The following DPEP1 variants were observed in gnomAD, a reference collection of about 807,000 sequenced individuals.
DPEP1 encodes beta-lactamase.
DPEP1 carries 50 observed loss-of-function variants against 42.3 expected under a neutral mutation model. The observed-to-expected ratio is 1.18, with a 90% confidence interval of 0.94 to 1.50. The LOEUF is 1.50. Ranked by LOEUF, DPEP1 falls within the 40% of genes most tolerant of loss-of-function variation. DPEP1 has a pLI of 0.00. For synonymous variants in DPEP1, 297 were observed against 234.0 expected (o/e 1.27, Z -2.46); for missense variants, 663 against 553.0 (o/e 1.20, Z -1.99).
chr16:89,614,430 C>G (rs1005730960), intron 1 of DPEP1, among the ~76,000 whole-genome samples: 3 of 152,212 alleles, frequency 2.0e-5, no homozygotes, highest in Non-Finnish European at 4.4e-5. Flanking sequence ...TGCCTTCCCG[C>G]CCAGCTAAGA....
chr16:89,630,122 C>G (rs981769403), intron 1 of DPEP1, among the ~76,000 whole-genome samples, 183 bp from the exon 2 acceptor site: 1 of 152,196 alleles, frequency 6.6e-6, no homozygotes, highest in African/African-American at 2.4e-5. Flanking sequence ...TCTGGGATCC[C>G]AGCTTCTTAC....
At chr16:89,614,566 GGGCA>G (rs1424486356) in intron 1 of DPEP1, among the ~76,000 whole-genome samples, 1 of 152,234 alleles carries the variant, frequency 6.6e-6, no homozygotes, top group East Asian at 1.9e-4. Context: ...AGGCCGAGGT[GGGCA>G]GATCATGAGG....
chr16:89,630,598 G>GAGACTCGT, intron 2 of DPEP1, 84 bp downstream of exon 2: 1 of 171,420 alleles, frequency 5.8e-6, no homozygotes, highest in Non-Finnish European at 1.3e-5. Flanking sequence ...AGCCGGGGCT[G>GAGACTCGT]GGGGAGCGGG....
At chr16:89,620,988 G>A (rs942367723) in intron 1 of DPEP1, among the ~76,000 whole-genome samples, 3 of 152,182 alleles carry the variant, frequency 2.0e-5, no homozygotes, top group Non-Finnish European at 4.4e-5. Context: ...GAGAGTCTCA[G>A]AGGATGGAAC....
chr16:89,614,900 G>A (rs1217402977), intron 1 of DPEP1, among the ~76,000 whole-genome samples: 1 of 152,220 alleles, frequency 6.6e-6, no homozygotes, highest in Non-Finnish European at 1.5e-5. Context: ...GGAAGTTGGA[G>A]TCTGGAGCTG....
chr16:89,638,001 C>T (rs1567994321), intron 10 of DPEP1, 30 bp downstream of exon 10: 1 of 1,608,170 alleles, frequency 6.2e-7, no homozygotes, highest in Admixed American at 1.7e-5. Context: ...CTGAGTCTCC[C>T]CCACCACCAC....
Position 89,636,666 on chromosome 16 carries a change from C to G in DPEP1, c.504C>G (p.His168Gln), listed in dbSNP as rs759576829. The G allele has an allele frequency of 6.2e-7, 1 of 1,612,488 alleles. No homozygotes were observed. Among genetic ancestry groups the G allele is most frequent in the East Asian group, 2.2e-5 (1 of 44,864 alleles). Residue 168 changes from histidine (H) to glutamine (Q), a missense_variant, in exon 5 of 11, where the codon CAC becomes CAG. Coordinates refer to ENST00000690203, the MANE Select transcript of DPEP1 (RefSeq NM_001389466.1). ...QLGMRYLTLT[H>Q]SCNTPWADNW... ...GCATGCGGTACCTGACCCTCACCCA[C>G]AGCTGCAACACGCCCTGGTGCGTGA... is the stretch of plus-strand genomic sequence containing the variant.
At chr16:89,629,851 C>A (rs1056298554) in intron 1 of DPEP1, among the ~76,000 whole-genome samples, 3 of 152,224 alleles carry the variant, frequency 2.0e-5, no homozygotes, top group Admixed American at 2.0e-4. Context: ...GCACACCTGG[C>A]TGTGCAGCAG....
intron 1 of DPEP1, among the ~76,000 whole-genome samples, chr16:89,626,293 T>G (rs1382894079): frequency 2.0e-5 from 3 of 152,174 alleles, no homozygotes; most frequent in Non-Finnish European, 4.4e-5. Flanking sequence ...ATTCACCCCA[T>G]GTTCTCGTGG....
At chr16:89,622,413 G>A (rs544216939) in intron 1 of DPEP1, among the ~76,000 whole-genome samples, 1 of 152,260 alleles carries the variant, frequency 6.6e-6, no homozygotes, top group Non-Finnish European at 1.5e-5. Flanking sequence ...TGCACCCTCT[G>A]GGTCAAGATG....
intron 1 of DPEP1, among the ~76,000 whole-genome samples, chr16:89,625,194 G>C (rs2059492732): frequency 6.6e-6 from 1 of 152,066 alleles, no homozygotes; most frequent in Non-Finnish European, 1.5e-5. Flanking sequence ...TAGGAAGTCA[G>C]CACAAATTAG....
At position 89,636,851 on chromosome 16, in the gene DPEP1, C is replaced by T; in HGVS notation, c.522-15C>T. On this transcript the variant is annotated splice_polypyrimidine_tract_variant and intron_variant, in intron 5 of 10. Coordinates refer to ENST00000690203, the MANE Select transcript of DPEP1 (RefSeq NM_001389466.1). ...CACCGCTCACCTCTTGGGCACCTGC[C>T]TTTTGCTTCTCCAGGGCTGACAACT... is the stretch of plus-strand genomic sequence containing the variant. The T allele has an allele frequency of 8.7e-6, 14 of 1,612,376 alleles. No individual in the cohort carries two copies. The highest frequency in any genetic ancestry group is 1.2e-5 in the Non-Finnish European group (14 of 1,179,860).
chr16:89,630,897 C>T (rs2059579337), intron 2 of DPEP1, among the ~76,000 whole-genome samples: 1 of 152,014 alleles, frequency 6.6e-6, no homozygotes, highest in Non-Finnish European at 1.5e-5. Flanking sequence ...CGGGCCCTTG[C>T]CCTTTCCTGG....
chr16:89,636,525 C>T lies in DPEP1; in HGVS notation c.371-8C>T, dbSNP rs1482641291. 1.9e-6 allele frequency: 3 copies of T among 1,611,460 alleles called. No individual in the cohort carries two copies. Among genetic ancestry groups the T allele is most frequent in the Non-Finnish European group, 2.5e-6 (3 of 1,179,410 alleles). On this transcript the variant is annotated splice_polypyrimidine_tract_variant and splice_region_variant and intron_variant, in intron 4 of 10. Transcript: ENST00000690203. The stretch of plus-strand genomic sequence containing the variant: ...GCCCACTCCCCTGCACCCTGACTCT[C>T]CCCGCAGGCATTCGGCAGGCCTTCC...
chr16:89,630,062 C>T (rs1368220633), intron 1 of DPEP1, among the ~76,000 whole-genome samples: 1 of 152,178 alleles, frequency 6.6e-6, no homozygotes, highest in Non-Finnish European at 1.5e-5. Flanking sequence ...TCATCTGGGC[C>T]TGCTCTCAGC....
chr16:89,624,537 GT>G (rs71389406), intron 1 of DPEP1, among the ~76,000 whole-genome samples: 1 of 148,974 alleles, frequency 6.7e-6, no homozygotes, highest in Admixed American at 6.7e-5. Flanking sequence ...TCTGGGGTTT[GT>G]TTTTTTTTTG....
At chr16:89,615,306 C>T (rs464072) in intron 1 of DPEP1, among the ~76,000 whole-genome samples, 1 of 152,184 alleles carries the variant, frequency 6.6e-6, no homozygotes, top group African/African-American at 2.4e-5. Context: ...CCTCACAGGT[C>T]GGGCTGAGGC....
upstream of DPEP1, chr16:89,613,318 C>T (rs2059349265): frequency 6.6e-6 from 1 of 152,310 alleles, no homozygotes; most frequent in African/African-American, 2.4e-5. Context: ...GGCACATCCA[C>T]ACATGAGGGA....
Position 89,637,261 on chromosome 16 carries a change from G to C in DPEP1, c.649G>C (p.Val217Leu), listed in dbSNP as rs368278859. The change falls in exon 7 of 11, where the codon GTG becomes CTG. Residue 217 changes from valine (V) to leucine (L), a missense_variant. Val to Leu is a conservative substitution (Grantham distance 32). Coordinates refer to ENST00000690203, the MANE Select transcript of DPEP1 (RefSeq NM_001389466.1). ...GVLIDLAHVS[V>L]ATMKATLQLS... ...CCTCATCGACTTGGCTCACGTGTCT[G>C]TGGCCACCATGAAGGCCACCCTGCA... The C allele has an allele frequency of 1.6e-5, 25 of 1,612,646 alleles. No individual in the cohort carries two copies. The South Asian group carries it at 2.4e-4, about 16-fold the overall frequency.
Sources: gnomAD v4.1 joint callset for allele counts (sites outside exome capture counted in the v4.1 genomes callset) on GRCh38, gnomAD v4.1.1 for gene constraint, MANE v1.5 for transcripts, NCBI Gene and HGNC (gene_info 2026-07-23, HGNC 2026-07-21) for gene names.